Variants in PPTC7 observed in about 807,000 individuals in gnomAD.
The protein encoded by PPTC7 is protein phosphatase PTC7 homolog.
Under a neutral mutation model 30.8 loss-of-function variants are expected in PPTC7, and 6 were observed. The observed-to-expected ratio is 0.19, with a 90% CI of 0.11 to 0.38. The LOEUF is 0.38. Ranked by LOEUF, PPTC7 falls within the 10% of genes least tolerant of loss-of-function variation. The probability of loss-of-function intolerance (pLI) is 1.00; values close to 1 mark genes in which losing one functional copy is unlikely to be tolerated. For synonymous variants in PPTC7, 163 were observed against 168.1 expected, an observed-to-expected ratio of 0.97 and a Z score of 0.23; for missense variants, 218 against 404.8, an observed-to-expected ratio of 0.54 and a Z score of 3.96.
At chr12:110,545,849 C>T in intron 3 of PPTC7, 31 bp downstream of exon 3, 9 of 1,608,088 alleles carry the variant, frequency 5.6e-6, no homozygotes, top group Non-Finnish European at 6.0e-6. Flanking sequence ...CCACGTCCTG[C>T]TCACACTTAA....
chr12:110,557,103 A>T (rs780174193), intron 1 of PPTC7, among the ~76,000 whole-genome samples: 1 of 152,194 alleles, frequency 6.6e-6, no homozygotes, highest in Non-Finnish European at 1.5e-5. Flanking sequence ...AGAACTCTAA[A>T]GTTCTTTATG....
At chr12:110,542,313 C>T (rs2064267672) in intron 3 of PPTC7, among the ~76,000 whole-genome samples, 1 of 149,492 alleles carries the variant, frequency 6.7e-6, no homozygotes, top group Non-Finnish European at 1.5e-5. Flanking sequence ...AAAAAAAAGG[C>T]AGAAAGACAC....
Position 110,559,642 on chromosome 12 carries a change from C to T in PPTC7, c.224-7674G>A, listed in dbSNP as rs143726403. ...TTGGGATGCTGAGGCAGGAGAATCA[C>T]TTGAACCTGGGAGGTGGAGGTTGCA... On this transcript the variant is annotated intron_variant, in intron 1 of 5. Coordinates refer to ENST00000354300, the MANE Select transcript of PPTC7 (RefSeq NM_139283.2). 6.7e-3 allele frequency among the ~76,000 whole-genome samples: 1,002 copies of T among 149,596 alleles called. 3 individuals carry two copies. Among genetic ancestry groups the T allele is most frequent in the Non-Finnish European group, 0.011 (713 of 67,730 alleles).
chr12:110,541,120 G>T (rs964673293), intron 3 of PPTC7, among the ~76,000 whole-genome samples: 4 of 150,914 alleles, frequency 2.7e-5, no homozygotes, highest in South Asian at 2.1e-4. Flanking sequence ...GGTGGCTCAC[G>T]CCTGTAATCC....
At chr12:110,558,173 G>GTCAATTCTGTCTTGGGTC (rs1160296027) in intron 1 of PPTC7, among the ~76,000 whole-genome samples, 4 of 152,196 alleles carry the variant, frequency 2.6e-5, no homozygotes, top group Non-Finnish European at 5.9e-5. Flanking sequence ...TCTTGGGTAT[G>GTCAATTCTGTCTTGGGTC]TCAAACTTCA....
At chr12:110,582,587 G>A (rs1172084891) in intron 1 of PPTC7, among the ~76,000 whole-genome samples, 1 of 152,226 alleles carries the variant, frequency 6.6e-6, no homozygotes, top group African/African-American at 2.4e-5. Context: ...CACACGACTT[G>A]ACCGCTGTGC....
In PPTC7 at chr12:110,546,098, CCATTT is replaced by C. The variant is rs772049332; in HGVS notation, c.404-25_404-21del. Reference sequence around the variant, plus strand: ...TGCTACCTAGAAACAAAAATCATCTCCATTTATTTTTTCTTCCTAGGCTGCCTTTG... The same window carrying C: ...TGCTACCTAGAAACAAAAATCATCTCATTTTTTCTTCCTAGGCTGCCTTTG... On this transcript the variant is annotated intron_variant, in intron 2 of 5. Transcript: ENST00000354300. 1 of 1,607,268 alleles carries C rather than the reference CCATTT, an allele frequency of 6.2e-7. No individual in the cohort carries two copies.
In PPTC7 at chr12:110,534,566, A is replaced by C. The variant is rs2064204350; in HGVS notation, c.*2471T>G. On this transcript the variant is annotated 3_prime_UTR_variant, in exon 6 of 6. Coordinates refer to ENST00000354300, the MANE Select transcript of PPTC7 (RefSeq NM_139283.2). ...CCTCTGACCACTGAGAGTAGGAGAGATACTTGTTAAGCAGCACTCCAGCTG... is the reference window on the plus strand; with the variant it reads ...CCTCTGACCACTGAGAGTAGGAGAGCTACTTGTTAAGCAGCACTCCAGCTG... 6.6e-6 allele frequency: 1 copy of C among 152,118 alleles called. No individual in the cohort carries two copies. The allele number at this position is 152,118 out of a possible 1,614,324, so 9.4% of individuals were successfully genotyped here. A position where few individuals can be genotyped will look rare whatever the true frequency, so the allele number is the denominator to read the frequency against.
intron 5 of PPTC7, 127 bp downstream of exon 5, chr12:110,538,017 G>T: frequency 1.1e-6 from 1 of 947,934 alleles, no homozygotes; most frequent in Non-Finnish European, 1.6e-6. Context: ...CTTGCTGAAA[G>T]CCACAAGTGC....
At chr12:110,545,352 C>G (rs1215003591) in intron 3 of PPTC7, among the ~76,000 whole-genome samples, 1 of 152,222 alleles carries the variant, frequency 6.6e-6, no homozygotes, top group East Asian at 1.9e-4. Context: ...CTCAGCCTCC[C>G]AAAGTCCTGG....
rs1441655877 is a variant in PPTC7 at position 110,534,243 on chromosome 12, T to A, written c.*2794A>T. ...AATTTCAAGCATGTGATAAAAATAT[T>A]GATTTTTATAATACAGTATTGCTTT... On this transcript the variant is annotated 3_prime_UTR_variant, in exon 6 of 6. Coordinates refer to ENST00000354300, the MANE Select transcript of PPTC7 (RefSeq NM_139283.2). The A allele has an allele frequency of 2.0e-5, 3 of 152,188 alleles. No individual in the cohort carries two copies. Among genetic ancestry groups the A allele is most frequent in the Non-Finnish European group, 4.4e-5 (3 of 68,024 alleles). The allele number at this position is 152,188 out of a possible 1,614,324, so 9.4% of individuals were successfully genotyped here.
chr12:110,554,163 T>A (rs553094176), intron 1 of PPTC7, among the ~76,000 whole-genome samples: 2 of 152,326 alleles, frequency 1.3e-5, no homozygotes, highest in South Asian at 4.1e-4. Context: ...AAATTTCACC[T>A]TTTAAAAAAT....
chr12:110,563,122 CAAAAAAAAAAAAAAA>C (rs766517371), intron 1 of PPTC7, among the ~76,000 whole-genome samples: 1 of 43,094 alleles, frequency 2.3e-5, no homozygotes, highest in Non-Finnish European at 4.3e-5. Context: ...GACTCCATCT[CAAAAAAAAAAAAAAA>C]AAAAAAAAAA....
chr12:110,575,398 A>G (rs1224877581), intron 1 of PPTC7, among the ~76,000 whole-genome samples: 1 of 152,102 alleles, frequency 6.6e-6, no homozygotes, highest in African/African-American at 2.4e-5. Flanking sequence ...TGAATTTGAC[A>G]TTTAGCTTGA....
At chr12:110,544,730 A>G (rs905953071) in intron 3 of PPTC7, among the ~76,000 whole-genome samples, 1 of 152,120 alleles carries the variant, frequency 6.6e-6, no homozygotes, top group Non-Finnish European at 1.5e-5. Flanking sequence ...GCTACTTGGG[A>G]GGCTGAGGCA....
At chr12:110,543,400 A>G (rs919671878) in intron 3 of PPTC7, among the ~76,000 whole-genome samples, 8 of 152,118 alleles carry the variant, frequency 5.3e-5, no homozygotes, top group Non-Finnish European at 1.2e-4. Context: ...TCTGTAGATA[A>G]GAGGGACCAT....
chr12:110,553,844 G>A (rs528706752), intron 1 of PPTC7, among the ~76,000 whole-genome samples: 132 of 152,236 alleles, frequency 8.7e-4, no homozygotes, highest in African/African-American at 3.1e-3. Flanking sequence ...TATCAAGACT[G>A]AGCTCACCTT....
At chr12:110,552,306 AATTG>A (rs1195285283) in intron 1 of PPTC7, among the ~76,000 whole-genome samples, 2 of 152,212 alleles carry the variant, frequency 1.3e-5, no homozygotes, top group African/African-American at 4.8e-5. Flanking sequence ...TAAGAATGAA[AATTG>A]ATTTTTAAGC....
In PPTC7 at chr12:110,539,811, G is replaced by C. The variant is rs770062099; in HGVS notation, c.726+11C>G. 27 of 1,612,960 alleles carry C rather than the reference G, an allele frequency of 1.7e-5. No individual in the cohort carries two copies. Among genetic ancestry groups the C allele is most frequent in the Middle Eastern group, 1.6e-4 (1 of 6,074 alleles). On this transcript the variant is annotated intron_variant, in intron 4 of 5. Coordinates refer to ENST00000354300, the MANE Select transcript of PPTC7 (RefSeq NM_139283.2). ...CCACTTTTCCCAAGAGCTAACCTTT[G>C]AGTTAATTACCTTTAACTTTTTTAG...
Sources: gnomAD v4.1 joint callset for allele counts (sites outside exome capture counted in the v4.1 genomes callset) on GRCh38, gnomAD v4.1.1 for gene constraint, MANE v1.5 for transcripts, NCBI Gene and HGNC (gene_info 2026-07-23, HGNC 2026-07-21) for gene names.